The following RARB variants were observed in gnomAD, a reference collection of about 807,000 sequenced individuals.
RARB encodes HBV-activated protein.
RARB carries 17 observed loss-of-function variants against 51.9 expected under a neutral mutation model. The ratio of observed to expected loss-of-function variants is 0.33; its 90% CI spans 0.22 to 0.49. The LOEUF is 0.49. Among genes scored for constraint, RARB ranks in the 20% least tolerant of loss-of-function variants. The pLI, the probability that RARB is intolerant of heterozygous loss-of-function variation, is 0.99. For synonymous variants in RARB, 215 were observed against 195.4 expected (o/e 1.10, Z -0.84); for missense variants, 369 against 550.8 (o/e 0.67, Z 3.30).
chr3:25,054,108 A>C (rs967398310), intron 2 of RARB, among the ~76,000 whole-genome samples: 1 of 152,148 alleles, frequency 6.6e-6, no homozygotes, highest in Non-Finnish European at 1.5e-5. Flanking sequence ...CCTATGAATA[A>C]ACAAAGGCTC....
chr3:25,540,868 C>G (rs888893101), intron 3 of RARB, among the ~76,000 whole-genome samples: 2 of 145,910 alleles, frequency 1.4e-5, no homozygotes, highest in African/African-American at 5.3e-5. Flanking sequence ...TCATTCAGGT[C>G]ATGGTGGGGG....
chr3:25,596,259 G>T (rs1250822574), intron 7 of RARB, among the ~76,000 whole-genome samples, 161 bp from the exon 8 acceptor site: 1 of 152,074 alleles, frequency 6.6e-6, no homozygotes, highest in Non-Finnish European at 1.5e-5. Flanking sequence ...GTAATCGATA[G>T]ATCTTTTTCA....
At chr3:25,252,237 T>C (rs1702742548) in intron 5 of RARB, among the ~76,000 whole-genome samples, 2 of 152,196 alleles carry the variant, frequency 1.3e-5, no homozygotes, top group African/African-American at 4.8e-5. Context: ...TAGCCCACTG[T>C]CTTGATTATT....
upstream of RARB, among the ~76,000 whole-genome samples, chr3:25,427,756 C>T (rs1206422224): frequency 6.6e-6 from 1 of 152,172 alleles, no homozygotes; most frequent in Non-Finnish European, 1.5e-5. Flanking sequence ...AAGGGGTAGC[C>T]ATTCTCTGTT....
intron 1 of RARB, among the ~76,000 whole-genome samples, chr3:25,439,908 A>C (rs1201810666): frequency 1.3e-5 from 2 of 152,186 alleles, no homozygotes; most frequent in African/African-American, 4.8e-5. Context: ...CATGTGATGC[A>C]GTGAAATACA....
At chr3:24,970,224 A>T (rs1249358169) in intron 2 of RARB, among the ~76,000 whole-genome samples, 1 of 152,064 alleles carries the variant, frequency 6.6e-6, no homozygotes, top group Admixed American at 6.6e-5. Flanking sequence ...GCTGATTTAG[A>T]AGGAATTCTA....
chr3:25,081,621 A>ATTT lies in RARB; in HGVS notation c.-328+21471_-328+21473dup, dbSNP rs1168828068. Among the ~76,000 whole-genome samples, 24 of 5,800 alleles carry ATTT rather than the reference A, an allele frequency of 4.1e-3. 4 individuals carry two copies. Among genetic ancestry groups the ATTT allele is most frequent in the South Asian group, 7.1e-3 (1 of 140 alleles). 3.8% of individuals were successfully genotyped at this position (5,800 alleles called of 152,430 possible). A position where few individuals can be genotyped will look rare whatever the true frequency, so the allele number is the denominator to read the frequency against. On this transcript the variant is annotated intron_variant, in intron 3 of 11. Transcript: ENST00000383772. Reference sequence around the variant, plus strand: ...TATATATATATATATATATATATATATTTTTTTTTTTTTTTTTTTTTTTTT... The same window carrying ATTT: ...TATATATATATATATATATATATATATTTTTTTTTTTTTTTTTTTTTTTTTTTT...
At chr3:25,516,631 C>CTTTTTTTTTTT (rs559135603) in intron 3 of RARB, among the ~76,000 whole-genome samples, 2,690 of 131,302 alleles carry the variant, frequency 0.02, 274 homozygotes, top group African/African-American at 0.085. Flanking sequence ...ATTTCCTTGT[C>CTTTTTTTTTTT]TTTTTTTTTT....
At chr3:25,210,167 A>C (rs1701656717) in intron 5 of RARB, among the ~76,000 whole-genome samples, 1 of 152,198 alleles carries the variant, frequency 6.6e-6, no homozygotes, top group Admixed American at 6.5e-5. Context: ...CTAGCAGAAA[A>C]GATTTGTGAA....
At chr3:24,866,768 G>T (rs1453846818) in intron 2 of RARB, among the ~76,000 whole-genome samples, 6 of 152,132 alleles carry the variant, frequency 3.9e-5, no homozygotes, top group Non-Finnish European at 8.8e-5. Flanking sequence ...CACATCAGGA[G>T]AATTGAAATA....
chr3:25,125,109 G>A (rs534544579), intron 3 of RARB, among the ~76,000 whole-genome samples: 1 of 152,050 alleles, frequency 6.6e-6, no homozygotes, highest in Non-Finnish European at 1.5e-5. Context: ...AAAGTGGGAG[G>A]CCTCAAAAAA....
At chr3:24,869,535 A>G (rs1253872460) in intron 2 of RARB, among the ~76,000 whole-genome samples, 1 of 152,156 alleles carries the variant, frequency 6.6e-6, no homozygotes, top group African/African-American at 2.4e-5. Flanking sequence ...CTAGTTTTAC[A>G]AAATGCATAT....
At chr3:25,492,354 G>A (rs1186800170) in intron 2 of RARB, among the ~76,000 whole-genome samples, 1 of 152,070 alleles carries the variant, frequency 6.6e-6, no homozygotes, top group Non-Finnish European at 1.5e-5. Context: ...TCCAGTTTAC[G>A]TTACCTAGTA....
intron 2 of RARB, among the ~76,000 whole-genome samples, chr3:25,018,799 G>A (rs1697568485): frequency 2.0e-5 from 3 of 152,296 alleles, no homozygotes; most frequent in Middle Eastern, 6.8e-3. Context: ...CAGCTCTTGA[G>A]TTCTACCTCC....
chr3:24,913,975 C>T (rs946132780), intron 2 of RARB, among the ~76,000 whole-genome samples: 2 of 152,094 alleles, frequency 1.3e-5, no homozygotes, highest in Admixed American at 6.6e-5. Context: ...TTTCTCTATG[C>T]GATGGAAATA....
chr3:24,896,564 A>G (rs564185098), intron 2 of RARB, among the ~76,000 whole-genome samples: 12 of 152,264 alleles, frequency 7.9e-5, no homozygotes, highest in African/African-American at 2.9e-4. Context: ...TGGCCCTGGT[A>G]CAGAGTTTTA....
intron 5 of RARB, among the ~76,000 whole-genome samples, chr3:25,402,996 C>G (rs1707305808): frequency 6.6e-6 from 1 of 152,010 alleles, no homozygotes; most frequent in African/African-American, 2.4e-5. Flanking sequence ...AACCCCATCT[C>G]TACTAAAAAC....
chr3:25,274,981 A>T (rs189775598), intron 5 of RARB, among the ~76,000 whole-genome samples: 3 of 152,174 alleles, frequency 2.0e-5, no homozygotes, highest in African/African-American at 7.2e-5. Context: ...TGTTTATGCT[A>T]TGTAAGGATA....
In RARB at chr3:25,428,572, TTGTC is replaced by T; in HGVS notation, c.-155_-152del. Reference sequence around the variant, plus strand: ...GATCAATTACAGGCTTTTAGCTGGCTTGTCTGTCATAATTCATGATTCGGGGCTG... The same window carrying T: ...GATCAATTACAGGCTTTTAGCTGGCTTGTCATAATTCATGATTCGGGGCTG... On this transcript the variant is annotated 5_prime_UTR_variant, in exon 1 of 8. It removes the in-frame stop codon of an upstream open reading frame in the 5' UTR. Coordinates refer to ENST00000330688, the MANE Select transcript of RARB (RefSeq NM_000965.5). 1 of 1,336,968 alleles carries T rather than the reference TTGTC, an allele frequency of 7.5e-7. No individual in the cohort carries two copies. Among genetic ancestry groups the T allele is most frequent in the Non-Finnish European group, 9.6e-7 (1 of 1,039,634 alleles). 82.8% of individuals were successfully genotyped at this position (1,336,968 alleles called of 1,614,324 possible). A position where few individuals can be genotyped will look rare whatever the true frequency, so the allele number is the denominator to read the frequency against.
Sources: allele counts gnomAD v4.1 joint callset (sites outside exome capture counted in the v4.1 genomes callset), GRCh38; gene constraint gnomAD v4.1.1; transcripts MANE v1.5; gene names NCBI Gene and HGNC (gene_info 2026-07-23, HGNC 2026-07-21).